Variants in SYNE2 observed in about 807,000 individuals in gnomAD.
The protein encoded by SYNE2 is nesprin-2.
A neutral mutation model predicts 856.3 loss-of-function variants in SYNE2; 431 were observed. That is an observed-to-expected ratio of 0.50 (90% CI 0.47 to 0.55). SYNE2 has a LOEUF of 0.55. Among genes scored for constraint, SYNE2 ranks in the 20% least tolerant of loss-of-function variants. The probability of loss-of-function intolerance (pLI) is 0.00; values close to 1 mark genes in which losing one functional copy is unlikely to be tolerated. For missense variants in SYNE2, 8,129 were observed against 8,023.2 expected (o/e 1.01, Z -0.50); for synonymous variants, 2,923 against 2,872.3 (o/e 1.02, Z -0.56).
At chr14:63,844,744 C>A (rs1470118647) in intron 1 of SYNE2, among the ~76,000 whole-genome samples, 5 of 151,980 alleles carry the variant, frequency 3.3e-5, no homozygotes, top group African/African-American at 1.2e-4. Flanking sequence ...GGAAGTTTTT[C>A]TTATTTTAAA....
At chr14:63,916,919 T>G (rs926584357) in intron 2 of SYNE2, among the ~76,000 whole-genome samples, 1 of 151,454 alleles carries the variant, frequency 6.6e-6, no homozygotes, top group Admixed American at 6.6e-5. Flanking sequence ...CCCCTCTGGC[T>G]CCACAAAAAA....
Position 64,049,716 on chromosome 14 carries a change from G to A in SYNE2, c.7483G>A (p.Gly2495Arg), listed in dbSNP as rs201036334. 301 of 1,614,082 alleles carry A rather than the reference G, an allele frequency of 1.9e-4. 1 individual carries two copies. The African/African-American group carries it at 3.6e-3, about 19-fold the overall frequency. The change falls in exon 47 of 116, where the codon GGA becomes AGA. Residue 2495 changes from glycine (G) to arginine (R), a missense_variant. Coordinates refer to ENST00000555002, the MANE Select transcript of SYNE2 (RefSeq NM_182914.3). ...TGGGGCCTTGGTTCTCCACAATATA[G>A]GATATTCGGCACAGCATTTGGACAA... ...ETGALVLHNI[G>R]YSAQHLDNLL...
At chr14:63,980,095 T>G (rs1163952198) in intron 14 of SYNE2, among the ~76,000 whole-genome samples, 2 of 152,202 alleles carry the variant, frequency 1.3e-5, no homozygotes, top group Non-Finnish European at 2.9e-5. Context: ...TTTCCTTGCT[T>G]GAATTTTCAT....
At chr14:63,998,441 C>A in intron 26 of SYNE2, 113 bp downstream of exon 26, 1 of 713,206 alleles carries the variant, frequency 1.4e-6, no homozygotes, top group South Asian at 1.6e-5. Context: ...TGCATATGAT[C>A]CAGTAACTTA....
At position 64,128,453 on chromosome 14, in the gene SYNE2, A is replaced by G. The variant is rs546845589; in HGVS notation, c.13919A>G (p.Asn4640Ser). 38 of 1,510,138 alleles carry G rather than the reference A, an allele frequency of 2.5e-5. No homozygotes were observed. Among genetic ancestry groups the G allele is most frequent in the African/African-American group, 6.9e-5 (5 of 72,894 alleles). 93.5% of individuals were successfully genotyped at this position (1,510,138 alleles called of 1,614,324 possible). ...AGLDYNRSYQ[N>S]EIKRLYHQLI... is the part of the protein sequence containing the mutation. The stretch of plus-strand genomic sequence containing the variant: ...CAGTTTCCGACATTTATCTTACAGA[A>G]TGAAATAAAGAGATTATATCATCAG... Residue 4640 changes from asparagine to serine, a missense_variant and splice_region_variant, in exon 74 of 116, where the codon AAT becomes AGT. Physicochemically the swap from Asn to Ser is conservative, Grantham distance 46. Transcript: ENST00000555002.
chr14:64,028,452 G>T (rs1244649208), intron 43 of SYNE2, among the ~76,000 whole-genome samples: 2 of 151,784 alleles, frequency 1.3e-5, no homozygotes, highest in Non-Finnish European at 2.9e-5. Flanking sequence ...ATAAGGTCTC[G>T]CTTTGTTGCC....
chr14:63,833,767 TA>T (rs1239465427), intron 1 of SYNE2, among the ~76,000 whole-genome samples: 3 of 152,218 alleles, frequency 2.0e-5, no homozygotes, highest in African/African-American at 4.8e-5. Flanking sequence ...AATATCATGC[TA>T]ACTGTGCGAT....
chr14:63,803,569 G>A (rs1233819450), intron 1 of SYNE2, among the ~76,000 whole-genome samples: 2 of 152,204 alleles, frequency 1.3e-5, no homozygotes, highest in Admixed American at 6.5e-5. Flanking sequence ...TGCGGGGCCC[G>A]CCAAGCCCAT....
intron 51 of SYNE2, among the ~76,000 whole-genome samples, chr14:64,068,826 C>A (rs2097378071): frequency 1.4e-5 from 2 of 139,938 alleles, no homozygotes; most frequent in South Asian, 2.3e-4. Context: ...CATGCCACTG[C>A]ACTCCAGCCT....
intron 32 of SYNE2, among the ~76,000 whole-genome samples, chr14:64,014,944 T>C (rs1487117972): frequency 9.0e-5 from 2 of 22,340 alleles, no homozygotes; most frequent in Non-Finnish European, 1.0e-4. Flanking sequence ...TATATATATA[T>C]ATATATATAT....
chr14:64,087,525 G>A (rs2097573189), intron 57 of SYNE2, 146 bp from the exon 58 acceptor site: 10 of 847,662 alleles, frequency 1.2e-5, no homozygotes, highest in African/African-American at 3.3e-5. Context: ...ATTGACAATA[G>A]AGGGTGTTCT....
In SYNE2 at chr14:64,225,009, T is replaced by TG; in HGVS notation, c.20481dup (p.Arg6828GlufsTer94). Reference sequence around the variant, plus strand: ...TTCTTTACCCAGCAGTTCAGAGCAGTGAGAACTACAGAAGGCGAGGAGGAG... The same window carrying TG: ...TTCTTTACCCAGCAGTTCAGAGCAGTGGAGAACTACAGAAGGCGAGGAGGAG... On this transcript the variant is annotated frameshift_variant, in exon 115 of 116. Transcript: ENST00000555002. LOFTEE classifies it high-confidence loss of function. The TG allele has an allele frequency of 1.2e-6, 2 of 1,613,876 alleles. No individual in the cohort carries two copies. The highest frequency in any genetic ancestry group is 1.7e-6 in the Non-Finnish European group (2 of 1,179,934).
chr14:64,209,428 A>G lies in SYNE2; in HGVS notation c.18390A>G (p.Lys6130=), dbSNP rs1441902598. The part of the protein sequence containing the change: ...ICAMSMERRM[K]IEETWRLWQK... ...TGTTAAGTTGCTTTGCTCCCATCAG[A>G]ATCGAGGAGACGTGGCGCCTGTGGC... Residue 6130 remains lysine, a splice_region_variant and synonymous_variant, in exon 102 of 116, where the codon AAA becomes AAG. Coordinates refer to ENST00000555002, the MANE Select transcript of SYNE2 (RefSeq NM_182914.3). 5 of 1,614,196 alleles carry G rather than the reference A, an allele frequency of 3.1e-6. No homozygotes were observed. In the South Asian group the frequency reaches 5.5e-5, roughly 18 times the overall value.
Position 64,053,325 on chromosome 14 carries a change from C to T in SYNE2, c.9412C>T (p.Gln3138Ter). 6.2e-7 allele frequency: 1 copy of T among 1,610,636 alleles called. No individual in the cohort carries two copies. Among genetic ancestry groups the T allele is most frequent in the Non-Finnish European group, 8.5e-7 (1 of 1,179,256 alleles). The change falls in exon 48 of 116, where the codon CAA (glutamine) becomes TAA (stop). Residue 3138 changes from glutamine to a stop codon, truncating the protein, a stop_gained. Coordinates refer to ENST00000555002, the MANE Select transcript of SYNE2 (RefSeq NM_182914.3). LOFTEE classifies it high-confidence loss of function. ...AAATGATAAGTTATACAAAGTTCTC[C>T]AAAACATGGTATTAGAACTCTCACC... ...EENDKLYKVL[Q>*]NMVLELSPKE...
At chr14:64,111,595 T>A (rs1028572384) in intron 65 of SYNE2, among the ~76,000 whole-genome samples, 3 of 151,998 alleles carry the variant, frequency 2.0e-5, no homozygotes, top group African/African-American at 7.3e-5. Flanking sequence ...GGCCAGGAGT[T>A]CAAGACCAGC....
chr14:63,811,657 T>A (rs1221314066), intron 1 of SYNE2, among the ~76,000 whole-genome samples: 1 of 152,236 alleles, frequency 6.6e-6, no homozygotes, highest in Non-Finnish European at 1.5e-5. Context: ...ACGTAGGTTC[T>A]TTCTATTTTC....
At chr14:64,121,172 C>CT in intron 68 of SYNE2, 111 bp downstream of exon 68, 1 of 1,496,144 alleles carries the variant, frequency 6.7e-7, no homozygotes, top group Admixed American at 1.8e-5. Context: ...GGAGGATCAC[C>CT]TGTGGCCAGG....
At position 64,016,561 on chromosome 14, in the gene SYNE2, A is replaced by G. The variant is rs766016581; in HGVS notation, c.4817A>G (p.Asn1606Ser). ...TGCAAAAATCTACAATTTTATCTAA[A>G]TAAAATGAAAACTTTTGAAGAGCCC... ...QVCKNLQFYL[N>S]KMKTFEEPPF... The change falls in exon 33 of 116, where the codon AAT (asparagine) becomes AGT (serine). Residue 1606 changes from asparagine (N) to serine (S), a missense_variant. Around this residue, in one of 3 missense-constraint regions of SYNE2, gnomAD observed 2,422 missense variants for 2,357.4 expected, o/e 1.03. Coordinates refer to ENST00000555002, the MANE Select transcript of SYNE2 (RefSeq NM_182914.3). The G allele has an allele frequency of 1.9e-6, 3 of 1,604,154 alleles. No individual in the cohort carries two copies. Among genetic ancestry groups the G allele is most frequent in the Non-Finnish European group, 2.6e-6 (3 of 1,173,504 alleles).
At chr14:63,992,643 G>T (rs753235527) in intron 21 of SYNE2, among the ~76,000 whole-genome samples, 124 of 152,034 alleles carry the variant, frequency 8.2e-4, no homozygotes, top group Non-Finnish European at 2.1e-4. Flanking sequence ...TCCTCTCCCT[G>T]ACCTTCTTCC....
Sources: allele counts gnomAD v4.1 joint callset (sites outside exome capture counted in the v4.1 genomes callset), GRCh38; gene constraint gnomAD v4.1.1; regional missense constraint gnomAD v4.1.1; transcripts MANE v1.5; gene names NCBI Gene and HGNC (gene_info 2026-07-23, HGNC 2026-07-21).